THSD7B: variants seen among roughly 807,000 people sequenced by gnomAD.
THSD7B encodes the protein thrombospondin type-1 domain-containing protein 7B.
Under a neutral mutation model 213.6 loss-of-function variants are expected in THSD7B, and 138 were observed. That is an observed-to-expected ratio of 0.65 (90% CI 0.56 to 0.74). The LOEUF (loss-of-function observed/expected upper bound fraction) is 0.74. Among genes scored for constraint, THSD7B ranks in the 30% least tolerant of loss-of-function variants. The pLI, the probability that THSD7B is intolerant of heterozygous loss-of-function variation, is 0.00. For synonymous variants in THSD7B, 742 were observed against 687.0 expected (o/e 1.08, Z -1.25); for missense variants, 1,931 against 1,991.5 (o/e 0.97, Z 0.58).
chr2:137,219,291 C>T (rs1443887454), intron 7 of THSD7B, among the ~76,000 whole-genome samples: 1 of 152,128 alleles, frequency 6.6e-6, no homozygotes, highest in East Asian at 1.9e-4. Context: ...ATTACACAGT[C>T]AGTGATGTTT....
At chr2:137,537,071 A>G (rs1405111870) in intron 15 of THSD7B, among the ~76,000 whole-genome samples, 1 of 150,806 alleles carries the variant, frequency 6.6e-6, no homozygotes, top group Non-Finnish European at 1.5e-5. Flanking sequence ...TGTCTATACA[A>G]AAAAAAGAGT....
intron 7 of THSD7B, among the ~76,000 whole-genome samples, chr2:137,186,790 A>G (rs1355972741): frequency 3.9e-5 from 6 of 152,166 alleles, no homozygotes; most frequent in East Asian, 1.9e-4. Context: ...GAATCTATAC[A>G]TTGTTTTGAA....
chr2:137,644,380 C>T (rs1326410532), intron 21 of THSD7B, among the ~76,000 whole-genome samples: 1 of 152,148 alleles, frequency 6.6e-6, no homozygotes, highest in African/African-American at 2.4e-5. Context: ...TGAAATTGAT[C>T]TCATTCCAAG....
intron 1 of THSD7B, among the ~76,000 whole-genome samples, chr2:136,789,103 A>G (rs748484118): frequency 1.4e-4 from 22 of 152,114 alleles, no homozygotes; most frequent in Non-Finnish European, 3.2e-4. Context: ...AGATGTAAGG[A>G]TGTTTAAAAT....
intron 3 of THSD7B, among the ~76,000 whole-genome samples, chr2:137,064,897 T>G (rs565242780): frequency 6.6e-5 from 10 of 152,094 alleles, no homozygotes; most frequent in Admixed American, 1.3e-4. Context: ...CATACTGTTT[T>G]GTTTACTGTA....
At chr2:137,669,344 T>C (rs1436246219) in intron 27 of THSD7B, among the ~76,000 whole-genome samples, 1 of 151,888 alleles carries the variant, frequency 6.6e-6, no homozygotes, top group East Asian at 1.9e-4. Context: ...TGATAGAAAT[T>C]GAATCCCTAG....
chr2:137,340,340 TTTATAA>T lies in THSD7B; in HGVS notation c.2500+64320_2500+64325del, dbSNP rs556561983. 3.2e-3 allele frequency among the ~76,000 whole-genome samples: 488 copies of T among 152,052 alleles called. 2 individuals carry two copies. The highest frequency in any genetic ancestry group is 5.1e-3 in the Non-Finnish European group (349 of 67,888). On this transcript the variant is annotated intron_variant, in intron 12 of 27. Coordinates refer to ENST00000409968, the MANE Select transcript of THSD7B (RefSeq NM_001316349.2). The stretch of plus-strand genomic sequence containing the variant: ...GATAATTTTTATTATAAATTGATAG[TTTATAA>T]TTATATAAATTGTACAAAGTGATGT...
chr2:137,563,635 T>G (rs1254136510), intron 16 of THSD7B, among the ~76,000 whole-genome samples: 1 of 152,178 alleles, frequency 6.6e-6, no homozygotes, highest in East Asian at 1.9e-4. Context: ...ACTCCACTGA[T>G]TCATGGCCGT....
chr2:137,238,534 C>CTTTTTT (rs869146863), intron 9 of THSD7B, among the ~76,000 whole-genome samples: 1,489 of 51,956 alleles, frequency 0.029, 281 homozygotes, highest in East Asian at 0.051. Flanking sequence ...ACTCATCTTT[C>CTTTTTT]TTTTTTTTTT....
At chr2:136,777,478 C>G (rs908339348) in intron 1 of THSD7B, among the ~76,000 whole-genome samples, 2 of 152,062 alleles carry the variant, frequency 1.3e-5, no homozygotes, top group East Asian at 1.9e-4. Context: ...ATAGTTCTGG[C>G]CAAAGTAATG....
At chr2:136,818,432 G>T (rs1429482657) in intron 1 of THSD7B, among the ~76,000 whole-genome samples, 2 of 150,804 alleles carry the variant, frequency 1.3e-5, no homozygotes, top group East Asian at 2.0e-4. Flanking sequence ...AGCATTGGGA[G>T]ATATACCTAA....
At chr2:137,340,076 CATT>C (rs953873244) in intron 12 of THSD7B, among the ~76,000 whole-genome samples, 19 of 151,864 alleles carry the variant, frequency 1.3e-4, no homozygotes, top group African/African-American at 4.3e-4. Context: ...TAAAATATAT[CATT>C]GTGATTTATA....
chr2:137,346,641 G>A (rs1439480268), intron 12 of THSD7B, among the ~76,000 whole-genome samples: 9 of 151,650 alleles, frequency 5.9e-5, no homozygotes, highest in Non-Finnish European at 1.2e-4. Context: ...TCTAGAAAGT[G>A]CTATACATTT....
chr2:137,297,893 A>G (rs1013084911), intron 12 of THSD7B, among the ~76,000 whole-genome samples: 2 of 152,126 alleles, frequency 1.3e-5, no homozygotes, highest in African/African-American at 4.8e-5. Context: ...TCTTTTGTAA[A>G]TTGCCCAGTC....
chr2:137,147,315 C>T (rs1679722237), intron 5 of THSD7B, among the ~76,000 whole-genome samples: 1 of 152,196 alleles, frequency 6.6e-6, no homozygotes, highest in African/African-American at 2.4e-5. Flanking sequence ...TCTGCGGACT[C>T]TTGTTCCTGT....
At chr2:137,328,473 C>T (rs1684421406) in intron 12 of THSD7B, among the ~76,000 whole-genome samples, 1 of 152,120 alleles carries the variant, frequency 6.6e-6, no homozygotes, top group South Asian at 2.1e-4. Context: ...CAGTGACAAA[C>T]CTACAAAAAC....
At chr2:137,054,050 A>T (rs951224864) in intron 2 of THSD7B, among the ~76,000 whole-genome samples, 1 of 152,240 alleles carries the variant, frequency 6.6e-6, no homozygotes, top group Non-Finnish European at 1.5e-5. Context: ...GGACAGAGAA[A>T]GCCTCCCAAT....
intron 2 of THSD7B, among the ~76,000 whole-genome samples, chr2:136,972,417 T>C (rs577457785): frequency 6.6e-6 from 1 of 152,354 alleles, no homozygotes; most frequent in African/African-American, 2.4e-5. Context: ...CTTTATTTTT[T>C]AACTTTCATA....
chr2:137,624,469 T>C (rs1255299928), intron 20 of THSD7B, among the ~76,000 whole-genome samples: 2 of 152,068 alleles, frequency 1.3e-5, no homozygotes, highest in East Asian at 3.9e-4. Flanking sequence ...AAAGTCAAAA[T>C]AGACAAATGG....
Sources: gnomAD v4.1 joint callset for allele counts (sites outside exome capture counted in the v4.1 genomes callset) on GRCh38, gnomAD v4.1.1 for gene constraint, MANE v1.5 for transcripts, NCBI Gene and HGNC (gene_info 2026-07-23, HGNC 2026-07-21) for gene names.